The following KCTD16 variants were observed in gnomAD, a reference collection of about 807,000 sequenced individuals.
The protein encoded by KCTD16 is potassium channel tetramerization domain containing 16.
KCTD16 carries 13 observed loss-of-function variants against 33.2 expected under a neutral mutation model. The observed-to-expected ratio is 0.39, with a 90% CI of 0.25 to 0.62. The LOEUF (loss-of-function observed/expected upper bound fraction) is 0.62, where lower values mean the gene tolerates loss of function less well. Among genes scored for constraint, KCTD16 ranks in the 20% least tolerant of loss-of-function variants. KCTD16 has a pLI of 0.50. For synonymous variants in KCTD16, 197 were observed against 195.3 expected (o/e 1.01, Z -0.07); for missense variants, 441 against 525.1 (o/e 0.84, Z 1.57).
At chr5:144,368,690 A>C (rs936474821) in intron 3 of KCTD16, among the ~76,000 whole-genome samples, 6 of 152,088 alleles carry the variant, frequency 3.9e-5, no homozygotes, top group African/African-American at 1.4e-4. Flanking sequence ...GCAAACTAGG[A>C]GCTAATAACT....
At chr5:144,225,243 T>A (rs538122691) in intron 3 of KCTD16, among the ~76,000 whole-genome samples, 1 of 152,098 alleles carries the variant, frequency 6.6e-6, no homozygotes, top group African/African-American at 2.4e-5. Context: ...TTTTCTTCTT[T>A]TCCTCTTCAA....
intron 3 of KCTD16, among the ~76,000 whole-genome samples, chr5:144,431,850 C>T (rs1198909583): frequency 2.0e-5 from 3 of 152,072 alleles, no homozygotes; most frequent in Non-Finnish European, 4.4e-5. Flanking sequence ...ATTGCCTGGG[C>T]TTACAAACAT....
rs146663696 is a variant in KCTD16 at position 144,481,342 on chromosome 5, G to A, written c.*7228G>A. The A allele has an allele frequency of 1.8e-4, 27 of 151,956 alleles. No homozygotes were observed. The highest frequency in any genetic ancestry group is 6.5e-4 in the African/African-American group (27 of 41,488). The allele number at this position is 151,956 out of a possible 1,614,324, so 9.4% of individuals were successfully genotyped here. A position where few individuals can be genotyped will look rare whatever the true frequency, so the allele number is the denominator to read the frequency against. Reference sequence around the variant, plus strand: ...TCTGTAACTGCTTATCATACCCTTTGTTACTTTGAGTTGAATATTCCCTCT... The same window carrying A: ...TCTGTAACTGCTTATCATACCCTTTATTACTTTGAGTTGAATATTCCCTCT... On this transcript the variant is annotated 3_prime_UTR_variant, in exon 4 of 4. Coordinates refer to ENST00000512467, the MANE Select transcript of KCTD16 (RefSeq NM_020768.4).
At chr5:144,179,714 G>C (rs1752578579) in intron 2 of KCTD16, among the ~76,000 whole-genome samples, 1 of 152,160 alleles carries the variant, frequency 6.6e-6, no homozygotes, top group South Asian at 2.1e-4. Context: ...CAAAGATTAG[G>C]TGATAAATAA....
At chr5:144,472,581 G>C (rs1754501574) in intron 3 of KCTD16, among the ~76,000 whole-genome samples, 1 of 152,166 alleles carries the variant, frequency 6.6e-6, no homozygotes, top group African/African-American at 2.4e-5. Context: ...TTCAGGTGTG[G>C]CTAGATCCAG....
intron 3 of KCTD16, among the ~76,000 whole-genome samples, chr5:144,227,724 G>A (rs1580804735): frequency 2.0e-5 from 3 of 152,214 alleles, no homozygotes; most frequent in African/African-American, 7.2e-5. Context: ...ATCCAGTTGA[G>A]AGGAGTGGAT....
At chr5:144,224,187 T>G (rs1454052882) in intron 3 of KCTD16, among the ~76,000 whole-genome samples, 1 of 152,164 alleles carries the variant, frequency 6.6e-6, no homozygotes, top group East Asian at 1.9e-4. Flanking sequence ...TTTGAGAATG[T>G]CACCTTAATT....
chr5:144,340,401 C>CA (rs1208475292), intron 3 of KCTD16, among the ~76,000 whole-genome samples: 1,038 of 47,236 alleles, frequency 0.022, 8 homozygotes, highest in East Asian at 0.051. Context: ...GACTCCATCT[C>CA]AAAAAAAAAA....
chr5:144,470,265 G>C (rs972305571), intron 3 of KCTD16, among the ~76,000 whole-genome samples: 2 of 152,126 alleles, frequency 1.3e-5, no homozygotes, highest in Non-Finnish European at 2.9e-5. Context: ...AAGGTCAAAG[G>C]GGTCTGGAGC....
chr5:144,405,814 G>A (rs1344938117), intron 3 of KCTD16, among the ~76,000 whole-genome samples: 2 of 152,144 alleles, frequency 1.3e-5, no homozygotes, highest in Non-Finnish European at 2.9e-5. Flanking sequence ...CCAGTAGAAT[G>A]ACCAGAAAGA....
intron 3 of KCTD16, among the ~76,000 whole-genome samples, chr5:144,334,344 C>T (rs1392054191): frequency 1.3e-5 from 2 of 152,138 alleles, no homozygotes; most frequent in East Asian, 3.9e-4. Flanking sequence ...CTTGACCAAT[C>T]ACTTGACTTC....
At chr5:144,286,207 A>G (rs1290189717) in intron 3 of KCTD16, among the ~76,000 whole-genome samples, 1 of 152,056 alleles carries the variant, frequency 6.6e-6, no homozygotes, top group Non-Finnish European at 1.5e-5. Context: ...AGACATTACA[A>G]GTGTGTGAGT....
intron 3 of KCTD16, among the ~76,000 whole-genome samples, chr5:144,317,719 T>C (rs1311868569): frequency 6.6e-6 from 1 of 152,220 alleles, no homozygotes; most frequent in Non-Finnish European, 1.5e-5. Flanking sequence ...CTTCTTCTGA[T>C]TCCCTCCTGG....
intron 2 of KCTD16, among the ~76,000 whole-genome samples, chr5:144,198,331 T>C (rs1752975552): frequency 6.6e-6 from 1 of 152,072 alleles, no homozygotes; most frequent in Non-Finnish European, 1.5e-5. Context: ...GTACCAAGAA[T>C]GAAAAATGAC....
At chr5:144,292,841 G>A (rs527922902) in intron 3 of KCTD16, among the ~76,000 whole-genome samples, 86 of 152,278 alleles carry the variant, frequency 5.6e-4, no homozygotes, top group African/African-American at 2.0e-3. Flanking sequence ...TGAGAAGCCA[G>A]AATCCACAGA....
At chr5:144,417,806 C>T (rs77328266) in intron 3 of KCTD16, among the ~76,000 whole-genome samples, 8,138 of 152,126 alleles carry the variant, frequency 0.053, 753 homozygotes, top group African/African-American at 0.19. Flanking sequence ...CTTCGTTCTT[C>T]TGCATATGGA....
rs919545955 is a variant in KCTD16 at position 144,478,644 on chromosome 5, A to T, written c.*4530A>T. On this transcript the variant is annotated 3_prime_UTR_variant, in exon 4 of 4. Transcript: ENST00000512467. ...TGAGCTAGTCTCCTTAATAATTTTG[A>T]TGAGGATTGTCTATAGACCTTACTT... 1 of 152,078 alleles carries T rather than the reference A, an allele frequency of 6.6e-6. No homozygotes were observed. Among genetic ancestry groups the T allele is most frequent in the African/African-American group, 2.4e-5 (1 of 41,432 alleles). 9.4% of individuals were successfully genotyped at this position (152,078 alleles called of 1,614,324 possible).
chr5:144,475,113 A>G lies in KCTD16; in HGVS notation c.*999A>G, dbSNP rs1009757654. ...CAGTTTAATGGTGTGGCCTTTCCAC[A>G]TAATCCACATTAAGTTCTGTGTTCC... is the stretch of plus-strand genomic sequence containing the variant. On this transcript the variant is annotated 3_prime_UTR_variant, in exon 4 of 4. Coordinates refer to ENST00000512467, the MANE Select transcript of KCTD16 (RefSeq NM_020768.4). 6.6e-6 allele frequency: 1 copy of G among 152,240 alleles called. No individual in the cohort carries two copies. Among genetic ancestry groups the G allele is most frequent in the Non-Finnish European group, 1.5e-5 (1 of 68,050 alleles). 9.4% of individuals were successfully genotyped at this position (152,240 alleles called of 1,614,324 possible). A position where few individuals can be genotyped will look rare whatever the true frequency, so the allele number is the denominator to read the frequency against.
At position 144,383,822 on chromosome 5, in the gene KCTD16, T is replaced by C. The variant is rs555971115; in HGVS notation, c.833-89838T>C. 1.6e-4 allele frequency among the ~76,000 whole-genome samples: 24 copies of C among 152,290 alleles called. No homozygotes were observed. In the East Asian group the frequency reaches 3.5e-3, roughly 22 times the overall value. On this transcript the variant is annotated intron_variant, in intron 3 of 3. Transcript: ENST00000512467. Reference sequence around the variant, plus strand: ...CTTTATTTGGTTTCAGTTATGTCCTTTGCCTTCATGACCATCTGAGCCGAG... The same window carrying C: ...CTTTATTTGGTTTCAGTTATGTCCTCTGCCTTCATGACCATCTGAGCCGAG...
Sources: allele counts gnomAD v4.1 joint callset (sites outside exome capture counted in the v4.1 genomes callset), GRCh38; gene constraint gnomAD v4.1.1; transcripts MANE v1.5; gene names NCBI Gene and HGNC (gene_info 2026-07-23, HGNC 2026-07-21).